The following GRIN2A variants were observed in gnomAD, a reference collection of about 807,000 sequenced individuals.
The protein encoded by GRIN2A is glutamate receptor ionotropic, NMDA 2A.
In GRIN2A, 22 loss-of-function variants were observed where a neutral mutation model predicts 113.4. That is an observed-to-expected ratio of 0.19 (90% CI 0.14 to 0.28). The LOEUF is 0.28. Ranked by LOEUF, GRIN2A falls within the 10% of genes least tolerant of loss-of-function variation. The probability of loss-of-function intolerance (pLI) is 1.00; values close to 1 mark genes in which losing one functional copy is unlikely to be tolerated. For missense variants in GRIN2A, 1,502 were observed against 1,887.0 expected, an observed-to-expected ratio of 0.80 and a Z score of 3.78; for synonymous variants, 827 against 738.4, an observed-to-expected ratio of 1.12 and a Z score of -1.94.
chr16:9,836,211 A>G (rs1567334304), intron 7 of GRIN2A, among the ~76,000 whole-genome samples: 1 of 152,256 alleles, frequency 6.6e-6, no homozygotes, highest in Non-Finnish European at 1.5e-5. Flanking sequence ...CATATACATG[A>G]AAGTGTTTGT....
intron 10 of GRIN2A, among the ~76,000 whole-genome samples, chr16:9,814,329 C>G (rs1039030021): frequency 1.6e-4 from 25 of 152,182 alleles, no homozygotes; most frequent in African/African-American, 5.8e-4. Context: ...GCTGAATAGC[C>G]TATTGGGTAA....
At chr16:10,081,525 G>A (rs1208001387) in intron 2 of GRIN2A, among the ~76,000 whole-genome samples, 3 of 152,218 alleles carry the variant, frequency 2.0e-5, no homozygotes, top group Admixed American at 1.3e-4. Flanking sequence ...CTGATTAAAA[G>A]TATGATTGAG....
At chr16:10,013,181 G>C (rs2046541378) in intron 2 of GRIN2A, among the ~76,000 whole-genome samples, 1 of 152,140 alleles carries the variant, frequency 6.6e-6, no homozygotes, top group South Asian at 2.1e-4. Flanking sequence ...ATTTTAAAAA[G>C]AGATCCATCC....
chr16:9,975,120 T>C (rs1046397425), intron 2 of GRIN2A, among the ~76,000 whole-genome samples: 1 of 152,186 alleles, frequency 6.6e-6, no homozygotes, highest in African/African-American at 2.4e-5. Context: ...TAATTCTGCA[T>C]CTATTGAGAT....
intron 10 of GRIN2A, among the ~76,000 whole-genome samples, chr16:9,799,727 G>C (rs527646469): frequency 1.1e-4 from 16 of 152,210 alleles, no homozygotes; most frequent in African/African-American, 3.9e-4. Context: ...TCCATACCTA[G>C]TGAATATATT....
intron 10 of GRIN2A, among the ~76,000 whole-genome samples, chr16:9,806,917 G>A (rs1228508383): frequency 6.6e-6 from 1 of 151,828 alleles, no homozygotes; most frequent in African/African-American, 2.4e-5. Context: ...GGACCCAGTG[G>A]GGGATAAATG....
At chr16:10,088,575 T>C (rs2048126294) in intron 2 of GRIN2A, among the ~76,000 whole-genome samples, 1 of 152,218 alleles carries the variant, frequency 6.6e-6, no homozygotes, top group Admixed American at 6.5e-5. Flanking sequence ...AACATGCAGT[T>C]CTTTAGTGTC....
chr16:9,764,055 G>C lies in GRIN2A; in HGVS notation c.3489C>G (p.Ser1163=), dbSNP rs773566946. ...DPSENFRKGD[S]TLPMNRNPLH... ...AGGGGTTCCGGTTCATTGGCAGCGT[G>C]GAGTCCCCCTTGCGGAAGTTTTCAC... Residue 1163 remains serine, a synonymous_variant, in exon 13 of 13, where the codon TCC becomes TCG. Transcript: ENST00000330684. 1 of 1,613,792 alleles carries C rather than the reference G, an allele frequency of 6.2e-7. No homozygotes were observed. The highest frequency in any genetic ancestry group is 1.1e-5 in the South Asian group (1 of 91,070).
intron 2 of GRIN2A, among the ~76,000 whole-genome samples, chr16:10,051,224 C>A (rs1344777386): frequency 1.3e-5 from 2 of 152,204 alleles, no homozygotes; most frequent in Non-Finnish European, 2.9e-5. Context: ...ACCCTGCAAT[C>A]TCTTCAGCAC....
intron 10 of GRIN2A, 44 bp downstream of exon 10, chr16:9,822,220 T>C: frequency 6.2e-7 from 1 of 1,603,190 alleles, no homozygotes; most frequent in Non-Finnish European, 8.5e-7. Context: ...CTGTAAGGTT[T>C]ATCGCTCGCA....
intron 2 of GRIN2A, among the ~76,000 whole-genome samples, chr16:10,119,076 C>A (rs566976470): frequency 6.6e-6 from 1 of 152,302 alleles, no homozygotes; most frequent in East Asian, 1.9e-4. Flanking sequence ...ACCAGGAACA[C>A]CATTACATCA....
In GRIN2A at chr16:10,116,447, A is replaced by G. The variant is rs547437464; in HGVS notation, c.414+63551T>C. On this transcript the variant is annotated intron_variant, in intron 2 of 12. Transcript: ENST00000330684. Reference sequence around the variant, plus strand: ...TAGGTAACAAACCTATGTTCTGTACATGTATCCCAGAACTTAAAATTAAAT... The same window carrying G: ...TAGGTAACAAACCTATGTTCTGTACGTGTATCCCAGAACTTAAAATTAAAT... Among the ~76,000 whole-genome samples, 6 of 152,372 alleles carry G rather than the reference A, an allele frequency of 3.9e-5. No homozygotes were observed. The South Asian group carries it at 8.3e-4, about 21-fold the overall frequency.
At chr16:10,139,490 T>C (rs1276488305) in intron 2 of GRIN2A, among the ~76,000 whole-genome samples, 6 of 152,260 alleles carry the variant, frequency 3.9e-5, no homozygotes, top group Admixed American at 3.9e-4. Flanking sequence ...TCCAGTTGTC[T>C]GTCTGTAGGG....
In GRIN2A at chr16:9,772,040, T is replaced by TA. The variant is rs201450180; in HGVS notation, c.2357-2952dup. On this transcript the variant is annotated intron_variant, in intron 11 of 12. Transcript: ENST00000330684. ...GCATACATGTTAATGAGTTTTTTTT[T>TA]AAAAAAATAGGAAATCCATCCCTTT... Among the ~76,000 whole-genome samples, 880 of 151,890 alleles carry TA rather than the reference T, an allele frequency of 5.8e-3. 7 individuals are homozygous for TA. Among genetic ancestry groups the TA allele is most frequent in the African/African-American group, 0.019 (805 of 41,396 alleles).
At chr16:10,089,492 T>C (rs1361842934) in intron 2 of GRIN2A, among the ~76,000 whole-genome samples, 5 of 152,138 alleles carry the variant, frequency 3.3e-5, no homozygotes, top group African/African-American at 9.6e-5. Context: ...AGGAGGGCAG[T>C]TGATACAGGT....
intron 5 of GRIN2A, among the ~76,000 whole-genome samples, chr16:9,847,727 AAC>A (rs1337051378): frequency 2.7e-5 from 4 of 149,076 alleles, no homozygotes; most frequent in African/African-American, 7.3e-5. Context: ...ATATATTTTT[AAC>A]ACATAAAAAT....
intron 2 of GRIN2A, among the ~76,000 whole-genome samples, chr16:9,954,033 C>T (rs531890052): frequency 1.4e-4 from 21 of 152,262 alleles, no homozygotes; most frequent in African/African-American, 4.8e-4. Context: ...CAGGGGGCTC[C>T]TCCTCCTGCT....
intron 2 of GRIN2A, among the ~76,000 whole-genome samples, chr16:10,032,743 T>C (rs2046952413): frequency 6.6e-6 from 1 of 152,108 alleles, no homozygotes; most frequent in African/African-American, 2.4e-5. Flanking sequence ...ACAACAGTGG[T>C]GGAACACACA....
At chr16:9,886,272 A>G (rs952174527) in intron 4 of GRIN2A, among the ~76,000 whole-genome samples, 1 of 152,240 alleles carries the variant, frequency 6.6e-6, no homozygotes, top group Non-Finnish European at 1.5e-5. Flanking sequence ...GAAAAAAAAC[A>G]TGAATTGCAT....
Sources: gnomAD v4.1 joint callset for allele counts (sites outside exome capture counted in the v4.1 genomes callset) on GRCh38, gnomAD v4.1.1 for gene constraint, MANE v1.5 for transcripts, NCBI Gene and HGNC (gene_info 2026-07-23, HGNC 2026-07-21) for gene names.